VIL1: variants seen among roughly 807,000 people sequenced by gnomAD.
The protein encoded by VIL1 is villin-1.
VIL1 carries 86 observed loss-of-function variants against 104.0 expected under a neutral mutation model. The ratio of observed to expected loss-of-function variants is 0.83; its 90% CI spans 0.69 to 0.99. VIL1 has a LOEUF of 0.99. VIL1 is among the 50% of genes least tolerant of loss of function. The pLI is 0.00. For synonymous variants in VIL1, 394 were observed against 412.6 expected (o/e 0.95, Z 0.55); for missense variants, 944 against 1,054.1 (o/e 0.90, Z 1.45).
At chr2:218,446,500 G>T (rs1369025351) in intron 19 of VIL1, among the ~76,000 whole-genome samples, 1 of 152,116 alleles carries the variant, frequency 6.6e-6, no homozygotes, top group Non-Finnish European at 1.5e-5. Flanking sequence ...CTCCCAAAGT[G>T]CTGGGATTAC....
intron 14 of VIL1, among the ~76,000 whole-genome samples, chr2:218,435,076 C>T (rs1314339428): frequency 7.0e-6 from 1 of 143,850 alleles, no homozygotes; most frequent in East Asian, 1.9e-4. Context: ...CTTGGAGTCC[C>T]TCTCGAACCT....
At chr2:218,446,675 A>G (rs1171201333) in intron 19 of VIL1, among the ~76,000 whole-genome samples, 1 of 151,980 alleles carries the variant, frequency 6.6e-6, no homozygotes, top group Non-Finnish European at 1.5e-5. Context: ...AGAGGGCTTT[A>G]TAGTATACCT....
In VIL1 at chr2:218,429,335, C is replaced by A; in HGVS notation, c.618C>A (p.Thr206=). ...EIRDQERGGR[T]YVGVVDGENE... ...GAGACCAGGAGCGGGGAGGGCGCAC[C>A]TATGTAGGCGTGGTGGACGGAGAGA... is the stretch of plus-strand genomic sequence containing the variant. The change falls in exon 7 of 20, where the codon ACC becomes ACA. Residue 206 remains threonine (T), a synonymous_variant. Coordinates refer to ENST00000248444, the MANE Select transcript of VIL1 (RefSeq NM_007127.3). 6.2e-7 allele frequency: 1 copy of A among 1,614,110 alleles called. No individual in the cohort carries two copies. The highest frequency in any genetic ancestry group is 1.3e-5 in the African/African-American group (1 of 75,062).
At position 218,425,802 on chromosome 2, in the gene VIL1, A is replaced by G; in HGVS notation, c.338A>G (p.Gln113Arg). 1 of 1,608,958 alleles carries G rather than the reference A, an allele frequency of 6.2e-7. No homozygotes were observed. ...GAGGCCTTCCGAGGCTACTTCAAGCAAGGCCTTGTGTAGGGAGGGTGGGCT... is the reference window on the plus strand; with the variant it reads ...GAGGCCTTCCGAGGCTACTTCAAGCGAGGCCTTGTGTAGGGAGGGTGGGCT... ...ESEAFRGYFK[Q>R]GLVIRKGGVA... The change falls in exon 4 of 20, where the codon CAA becomes CGA. Residue 113 changes from glutamine to arginine, a missense_variant. Physicochemically the swap from Gln to Arg is conservative, Grantham distance 43 (BLOSUM62 1). Coordinates refer to ENST00000248444, the MANE Select transcript of VIL1 (RefSeq NM_007127.3).
rs1397466772 is a variant in VIL1, at chr2:218,432,969, A to C, written c.1500+18A>C. 5.6e-6 allele frequency: 9 copies of C among 1,613,900 alleles called. No homozygotes were observed. The highest frequency in any genetic ancestry group is 7.6e-6 in the Non-Finnish European group (9 of 1,179,910). ...TCTACCAGGTGTGGCTGCTGAACTGAGGTGTCTGGCAGTAACCACTGTGGC... is the reference window on the plus strand; with the variant it reads ...TCTACCAGGTGTGGCTGCTGAACTGCGGTGTCTGGCAGTAACCACTGTGGC... On this transcript the variant is annotated intron_variant, in intron 13 of 19. Transcript: ENST00000248444.
Position 218,434,713 on chromosome 2 carries a change from C to T in VIL1, c.1680+8C>T. The T allele has an allele frequency of 1.2e-6, 2 of 1,609,512 alleles. No individual in the cohort carries two copies. The highest frequency in any genetic ancestry group is 1.7e-6 in the Non-Finnish European group (2 of 1,177,542). ...TATCTATGGTGTGGGAAGGTGTGTT[C>T]AGGGTCTAGAGGCCTCCCCATCCGC... On this transcript the variant is annotated splice_region_variant and intron_variant, in intron 14 of 19. Transcript: ENST00000248444.
chr2:218,430,787 TGA>T lies in VIL1; in HGVS notation c.1013_1014del (p.Glu338ValfsTer57). ...AGGTGGAGGTGCAGAATGATGGGGCTGAGTCGGCCGTCTTTCAGCAGCTCTTC... is the reference window on the plus strand; with the variant it reads ...AGGTGGAGGTGCAGAATGATGGGGCTGTCGGCCGTCTTTCAGCAGCTCTTC... ...TQVEVQNDGA[E>X]SAVFQQLFQK... On this transcript the variant is annotated frameshift_variant, in exon 10 of 20. Coordinates refer to ENST00000248444, the MANE Select transcript of VIL1 (RefSeq NM_007127.3). LOFTEE classifies it high-confidence loss of function. 6.2e-7 allele frequency: 1 copy of T among 1,613,636 alleles called. No homozygotes were observed. Among genetic ancestry groups the T allele is most frequent in the Non-Finnish European group, 8.5e-7 (1 of 1,179,798 alleles).
At chr2:218,449,149 G>A (rs1689422071) in intron 19 of VIL1, 74 bp from the exon 20 acceptor site, 2 of 1,073,200 alleles carry the variant, frequency 1.9e-6, no homozygotes, top group Non-Finnish European at 2.9e-6. Flanking sequence ...ACTCATCAGA[G>A]CAAACGGTGC....
chr2:218,426,532 G>A (rs1049368266), intron 4 of VIL1, among the ~76,000 whole-genome samples: 2 of 152,076 alleles, frequency 1.3e-5, no homozygotes, highest in Non-Finnish European at 1.5e-5. Flanking sequence ...GATTATAGGC[G>A]TGAGCCACTT....
At chr2:218,432,412 C>G in intron 12 of VIL1, 3 of 755,096 alleles carry the variant, frequency 4.0e-6, no homozygotes, top group Non-Finnish European at 6.8e-6. Context: ...TCTGCACATT[C>G]TTGTCACCTG....
Position 218,428,254 on chromosome 2 carries a change from C to A in VIL1, c.484C>A (p.Arg162=), listed in dbSNP as rs1689037505. ...AGAGATGTCCTGGAAGAGTTTCAAC[C>A]GAGGGGATGTTTTCCTCCTGGACCT... The part of the protein sequence containing the change: ...EVEMSWKSFN[R]GDVFLLDLGK... The change falls in exon 6 of 20, where the codon CGA becomes AGA. Residue 162 remains arginine (R), a synonymous_variant. Transcript: ENST00000248444. 1.2e-6 allele frequency: 2 copies of A among 1,613,998 alleles called. No individual in the cohort carries two copies. The highest frequency in any genetic ancestry group is 3.3e-5 in the Admixed American group (2 of 60,006).
intron 3 of VIL1, among the ~76,000 whole-genome samples, chr2:218,425,092 A>T (rs1688956918): frequency 1.3e-5 from 2 of 150,056 alleles, no homozygotes; most frequent in African/African-American, 2.5e-5. Context: ...TATTATTATT[A>T]TTTTTTGAGA....
chr2:218,431,734 C>T (rs1187897241), intron 10 of VIL1, 123 bp from the exon 11 acceptor site: 1 of 804,878 alleles, frequency 1.2e-6, no homozygotes, highest in Non-Finnish European at 2.1e-6. Context: ...TACTGAATCT[C>T]TCTTGCCTCG....
Position 218,429,410 on chromosome 2 carries a change from C to A in VIL1, c.693C>A (p.Gly231=). 1.2e-6 allele frequency: 2 copies of A among 1,614,140 alleles called. No homozygotes were observed. Among genetic ancestry groups the A allele is most frequent in the South Asian group, 2.2e-5 (2 of 91,088 alleles). The change falls in exon 7 of 20, where the codon GGC becomes GGA. Residue 231 remains glycine (G), a synonymous_variant. Transcript: ENST00000248444. ...KLMEVMNHVL[G]KRRELKAAVP... is the part of the protein sequence containing the mutation. ...TGGAGGTGATGAACCACGTGCTGGG[C>A]AAGCGCAGGGAGCTGAAGGCGGCCG...
chr2:218,449,005 G>GAA (rs11320086), intron 19 of VIL1, among the ~76,000 whole-genome samples: 99 of 147,656 alleles, frequency 6.7e-4, no homozygotes, highest in South Asian at 3.8e-3. Flanking sequence ...ACATGGTCTG[G>GAA]AAAAAAAAAA....
In VIL1 at chr2:218,435,363, G is replaced by T. The variant is rs551848898; in HGVS notation, c.1755G>T (p.Val585=). The T allele has an allele frequency of 2.5e-6, 4 of 1,614,134 alleles. No individual in the cohort carries two copies. In the South Asian group the frequency reaches 3.3e-5, roughly 13 times the overall value. ...DTISRTEKQV[V]VEGQEPANFW... ...TCTCCCGGACGGAGAAGCAAGTGGT[G>T]GTGGAAGGGCAGGAGCCAGCCAACT... The change falls in exon 15 of 20, where the codon GTG becomes GTT. Residue 585 remains valine, a synonymous_variant. Coordinates refer to ENST00000248444, the MANE Select transcript of VIL1 (RefSeq NM_007127.3).
chr2:218,440,334 A>G (rs144902932), intron 18 of VIL1, among the ~76,000 whole-genome samples: 2 of 152,262 alleles, frequency 1.3e-5, no homozygotes, highest in East Asian at 1.9e-4. Context: ...CAGTGGCGCA[A>G]TCTCAGCTCA....
In VIL1 at chr2:218,424,327, T is replaced by C. The variant is rs1486463716; in HGVS notation, c.126T>C (p.Asp42=). The C allele has an allele frequency of 6.2e-7, 1 of 1,613,988 alleles. No individual in the cohort carries two copies. The highest frequency in any genetic ancestry group is 1.3e-5 in the African/African-American group (1 of 75,040). ...CCAGCACCTTTGGAAGCTTCTTCGA[T>C]GGTGACTGCTACATCATCCTGGCTG... ...VPSSTFGSFF[D]GDCYIILAIH... Residue 42 remains aspartate (D), a synonymous_variant, in exon 3 of 20, where the codon GAT becomes GAC. Transcript: ENST00000248444.
Position 218,436,243 on chromosome 2 carries a change from G to A in VIL1, c.1827-239G>A, listed in dbSNP as rs1276949347. On this transcript the variant is annotated intron_variant, in intron 15 of 19. Coordinates refer to ENST00000248444, the MANE Select transcript of VIL1 (RefSeq NM_007127.3). ...AGGAGGGATGGAGGGAAGATATCAG[G>A]AAGAACTTCCTAACAAGGCTCTGCA... Among the ~76,000 whole-genome samples, 7 of 152,130 alleles carry A rather than the reference G, an allele frequency of 4.6e-5. No individual in the cohort carries two copies. In the East Asian group the frequency reaches 1.3e-3, roughly 29 times the overall value.
Sources: allele counts gnomAD v4.1 joint callset (sites outside exome capture counted in the v4.1 genomes callset), GRCh38; gene constraint gnomAD v4.1.1; transcripts MANE v1.5; gene names NCBI Gene and HGNC (gene_info 2026-07-23, HGNC 2026-07-21).